Variants in BLK observed in about 807,000 individuals in gnomAD.
The protein encoded by BLK is BLK proto-oncogene, Src family tyrosine kinase.
In BLK, 64 loss-of-function variants were observed where a neutral mutation model predicts 61.8. The ratio of observed to expected loss-of-function variants is 1.03; its 90% CI spans 0.85 to 1.27. BLK has a LOEUF of 1.27. Among genes scored for constraint, BLK ranks in the 50% most tolerant of loss-of-function variants. BLK has a pLI of 0.00. For missense variants in BLK, 853 were observed against 660.5 expected, an observed-to-expected ratio of 1.29 and a Z score of -3.19; for synonymous variants, 351 against 272.0, an observed-to-expected ratio of 1.29 and a Z score of -2.86.
At chr8:11,550,610 G>T (rs980681705) in intron 6 of BLK, among the ~76,000 whole-genome samples, 26 of 152,242 alleles carry the variant, frequency 1.7e-4, no homozygotes, top group African/African-American at 4.8e-4. Context: ...TGGAATCAAG[G>T]ATTAGGGGGA....
intron 1 of BLK, among the ~76,000 whole-genome samples, chr8:11,495,341 G>A (rs981357415): frequency 2.0e-5 from 3 of 152,288 alleles, no homozygotes; most frequent in Non-Finnish European, 2.9e-5. Flanking sequence ...TGTGATATGT[G>A]CATATCCTCC....
intron 1 of BLK, among the ~76,000 whole-genome samples, chr8:11,523,966 C>A (rs995224831): frequency 3.3e-5 from 5 of 151,768 alleles, no homozygotes; most frequent in African/African-American, 1.2e-4. Flanking sequence ...AGATCAAGAT[C>A]TTTAAAAATG....
intron 5 of BLK, among the ~76,000 whole-genome samples, 172 bp downstream of exon 5, chr8:11,549,294 C>T (rs541454206): frequency 2.3e-4 from 35 of 152,272 alleles, no homozygotes; most frequent in South Asian, 2.1e-4. Flanking sequence ...TGGCTCCAGA[C>T]GACATTCAGA....
chr8:11,524,064 A>G (rs1332521367), intron 1 of BLK, among the ~76,000 whole-genome samples: 2 of 152,224 alleles, frequency 1.3e-5, no homozygotes, highest in Non-Finnish European at 2.9e-5. Flanking sequence ...AACAATGTTT[A>G]CTGTGGGTTT....
At chr8:11,538,424 T>C (rs1800227835) in intron 1 of BLK, among the ~76,000 whole-genome samples, 1 of 152,172 alleles carries the variant, frequency 6.6e-6, no homozygotes, top group Admixed American at 6.5e-5. Context: ...GGGGGACCCA[T>C]AGAGACCTGA....
At chr8:11,529,495 T>C (rs992510481) in intron 1 of BLK, among the ~76,000 whole-genome samples, 2 of 152,040 alleles carry the variant, frequency 1.3e-5, no homozygotes, top group African/African-American at 4.8e-5. Flanking sequence ...AGCTGATCCA[T>C]CAAGTGCCAG....
At chr8:11,507,165 A>G (rs560549377) in intron 1 of BLK, among the ~76,000 whole-genome samples, 1 of 152,384 alleles carries the variant, frequency 6.6e-6, no homozygotes, top group Admixed American at 6.5e-5. Context: ...TTACAAGGCC[A>G]GGAGCCAAGT....
At chr8:11,542,820 T>C (rs891126905) in intron 1 of BLK, among the ~76,000 whole-genome samples, 1 of 152,116 alleles carries the variant, frequency 6.6e-6, no homozygotes, top group African/African-American at 2.4e-5. Flanking sequence ...GGAGAGAAAA[T>C]GTCACTTTCC....
chr8:11,553,109 G>GCA (rs999274871), intron 6 of BLK: 7 of 190,762 alleles, frequency 3.7e-5, no homozygotes, highest in South Asian at 1.1e-4. Context: ...ACGTACATAT[G>GCA]CACACACACA....
intron 1 of BLK, among the ~76,000 whole-genome samples, chr8:11,542,028 G>T (rs1185210010): frequency 6.6e-6 from 1 of 152,200 alleles, no homozygotes; most frequent in African/African-American, 2.4e-5. Flanking sequence ...TCTGTGGCTT[G>T]CTGTCCTATA....
Position 11,556,773 on chromosome 8 carries a change from G to A in BLK, c.888G>A (p.Leu296=). The change falls in exon 9 of 13, where the codon CTG becomes CTA. Residue 296 remains leucine (L), a synonymous_variant. Transcript: ENST00000259089. The part of the protein sequence containing the change: ...NVMKALQHER[L]VRLYAVVTKE... Reference sequence around the variant, plus strand: ...TGAAGGCTCTGCAGCACGAGCGGCTGGTCCGACTCTACGCAGTGGTCACCA... The same window carrying A: ...TGAAGGCTCTGCAGCACGAGCGGCTAGTCCGACTCTACGCAGTGGTCACCA... The A allele has an allele frequency of 6.2e-7, 1 of 1,614,224 alleles. No homozygotes were observed. Among genetic ancestry groups the A allele is most frequent in the Non-Finnish European group, 8.5e-7 (1 of 1,180,046 alleles).
intron 1 of BLK, among the ~76,000 whole-genome samples, chr8:11,510,781 AT>A (rs1798969939): frequency 2.2e-5 from 3 of 133,852 alleles, no homozygotes; most frequent in Non-Finnish European, 4.6e-5. Flanking sequence ...TCTCAAATAA[AT>A]AAATAAATAA....
At chr8:11,536,105 C>G (rs1052984955) in intron 1 of BLK, among the ~76,000 whole-genome samples, 1 of 152,152 alleles carries the variant, frequency 6.6e-6, no homozygotes, top group African/African-American at 2.4e-5. Flanking sequence ...GGTTCAATGG[C>G]TGGATGGTTA....
At chr8:11,560,465 A>G in intron 10 of BLK, 1 of 241,198 alleles carries the variant, frequency 4.1e-6, no homozygotes, top group Non-Finnish European at 8.2e-6. Flanking sequence ...CATAAGGAGA[A>G]GTGGAATCAA....
intron 1 of BLK, among the ~76,000 whole-genome samples, chr8:11,536,989 T>C (rs574166884): frequency 7.7e-4 from 117 of 152,298 alleles, no homozygotes; most frequent in African/African-American, 2.7e-3. Context: ...ATGCCTGACA[T>C]AGTTCATGGT....
At chr8:11,546,504 C>T (rs1051884963) in intron 3 of BLK, among the ~76,000 whole-genome samples, 1 of 152,154 alleles carries the variant, frequency 6.6e-6, no homozygotes, top group African/African-American at 2.4e-5. Flanking sequence ...CTTCTTGTTT[C>T]CCGCTCCCAG....
At chr8:11,532,231 C>A (rs1160417342) in intron 1 of BLK, among the ~76,000 whole-genome samples, 4 of 28,394 alleles carry the variant, frequency 1.4e-4, no homozygotes, top group South Asian at 8.9e-4. Context: ...CAAAATCTCG[C>A]TCTGTTGCCC....
intron 1 of BLK, among the ~76,000 whole-genome samples, chr8:11,522,220 A>G (rs1046136352): frequency 6.6e-6 from 1 of 152,232 alleles, no homozygotes; most frequent in African/African-American, 2.4e-5. Context: ...TAAATGGTCA[A>G]AATATATGAA....
chr8:11,535,306 A>AAGAAAGAAAGAAAGAAAGAG (rs1563102546), intron 1 of BLK, among the ~76,000 whole-genome samples: 3 of 145,888 alleles, frequency 2.1e-5, no homozygotes, highest in African/African-American at 7.4e-5. Flanking sequence ...GAAAGAAAGA[A>AAGAAAGAAAGAAAGAAAGAG]AGAAAGAAAG....
Sources: gnomAD v4.1 joint callset for allele counts (sites outside exome capture counted in the v4.1 genomes callset) on GRCh38, gnomAD v4.1.1 for gene constraint, MANE v1.5 for transcripts, NCBI Gene and HGNC (gene_info 2026-07-23, HGNC 2026-07-21) for gene names.